SLC8A2: variants seen among roughly 807,000 people sequenced by gnomAD.
SLC8A2 encodes the protein sodium/calcium exchanger 2.
In SLC8A2, 14 loss-of-function variants were observed where a neutral mutation model predicts 70.2. The ratio of observed to expected loss-of-function variants is 0.20; its 90% CI spans 0.13 to 0.31. The LOEUF (loss-of-function observed/expected upper bound fraction) is 0.31, where lower values mean the gene tolerates loss of function less well. Among genes scored for constraint, SLC8A2 ranks in the 10% least tolerant of loss-of-function variants. The pLI, the probability that SLC8A2 is intolerant of heterozygous loss-of-function variation, is 1.00. For missense variants in SLC8A2, 779 were observed against 1,320.1 expected (o/e 0.59, Z 6.35); for synonymous variants, 575 against 594.3 (o/e 0.97, Z 0.47).
intron 6 of SLC8A2, among the ~76,000 whole-genome samples, chr19:47,440,017 T>C (rs906681240): frequency 2.2e-4 from 34 of 152,182 alleles, no homozygotes; most frequent in Non-Finnish European, 4.3e-4. Context: ...CAGTTTGTTA[T>C]AGCAGCTTGT....
intron 3 of SLC8A2, among the ~76,000 whole-genome samples, chr19:47,451,383 A>T (rs1173488888): frequency 6.6e-6 from 1 of 152,092 alleles, no homozygotes; most frequent in Non-Finnish European, 1.5e-5. Context: ...ATCCCAGCTC[A>T]CTGCAGCCTC....
rs1967444951 is a variant in SLC8A2 at position 47,465,433 on chromosome 19, T to C, written c.675+296A>G. Among the ~76,000 whole-genome samples the C allele has an allele frequency of 6.6e-6, 1 of 152,154 alleles. No individual in the cohort carries two copies. The highest frequency in any genetic ancestry group is 1.5e-5 in the Non-Finnish European group (1 of 68,022). ...CTAAAAGGTGCCCCTTCCAAGTGAGTGTACTGTTCTTAAGTGCAAAACAGT... is the reference window on the plus strand; with the variant it reads ...CTAAAAGGTGCCCCTTCCAAGTGAGCGTACTGTTCTTAAGTGCAAAACAGT... On this transcript the variant is annotated intron_variant, in intron 2 of 9. Transcript: ENST00000236877. This position sits in a 1 kb window ranked among gnomAD's most constrained non-coding sequence, Gnocchi z 5.5.
At chr19:47,435,732 G>C (rs1967020649) in intron 8 of SLC8A2, among the ~76,000 whole-genome samples, 1 of 151,944 alleles carries the variant, frequency 6.6e-6, no homozygotes, top group South Asian at 2.1e-4. Context: ...ATTTTTAGTA[G>C]AGACGGGGTT....
At chr19:47,455,645 A>C (rs1355447869) in intron 3 of SLC8A2, among the ~76,000 whole-genome samples, 1 of 152,202 alleles carries the variant, frequency 6.6e-6, no homozygotes. Flanking sequence ...AATCATTGAA[A>C]AGAACATACT....
intron 3 of SLC8A2, among the ~76,000 whole-genome samples, chr19:47,452,784 G>T (rs1023745649): frequency 2.6e-5 from 4 of 152,136 alleles, no homozygotes; most frequent in Non-Finnish European, 5.9e-5. Flanking sequence ...TGTAATCCCG[G>T]CACTTTGGGA....
At position 47,466,189 on chromosome 19, in the gene SLC8A2, G is replaced by A; in HGVS notation, c.215C>T (p.Ala72Val). The A allele has an allele frequency of 2.5e-6, 4 of 1,613,612 alleles. No individual in the cohort carries two copies. Among genetic ancestry groups the A allele is most frequent in the Non-Finnish European group, 2.5e-6 (3 of 1,179,568 alleles). Reference sequence around the variant, plus strand: ...GACCATGGCCACAAAGTACACCACTGCCCGTGCCGCCTTGTCACCCAGCGA... The same window carrying A: ...GACCATGGCCACAAAGTACACCACTACCCGTGCCGCCTTGTCACCCAGCGA... Reference protein sequence around the residue: ...DPSLGDKAARAVVYFVAMVYM... With the variant: ...DPSLGDKAARVVVYFVAMVYM... The change falls in exon 2 of 10, where the codon GCA becomes GTA. Residue 72 changes from alanine to valine, a missense_variant. Physicochemically the swap from Ala to Val is moderately conservative, Grantham distance 64. Around this residue, in one of 6 missense-constraint regions of SLC8A2, gnomAD observed 155 missense variants for 318.6 expected, o/e 0.49. Transcript: ENST00000236877. This position sits in a 1 kb window ranked among gnomAD's most constrained non-coding sequence, Gnocchi z 6.9.
rs1966926598 is a variant in SLC8A2 at position 47,429,804 on chromosome 19, G to A, written c.*285C>T. On this transcript the variant is annotated 3_prime_UTR_variant, in exon 10 of 10. Transcript: ENST00000236877. ...GGGTGGTTCCCTGGGGAGGGGACTG[G>A]GGTGGAAATTTCCCCAGGGATATAG... is the stretch of plus-strand genomic sequence containing the variant. The A allele has an allele frequency of 1.9e-6, 1 of 527,098 alleles. No individual in the cohort carries two copies. The highest frequency in any genetic ancestry group is 2.0e-5 in the African/African-American group (1 of 51,084). 32.7% of individuals were successfully genotyped at this position (527,098 alleles called of 1,614,324 possible).
Position 47,437,661 on chromosome 19 carries a change from GTCC to G in SLC8A2, c.2011-103_2011-101del, listed in dbSNP as rs1967047461. The G allele has an allele frequency of 2.0e-5, 24 of 1,177,060 alleles. No homozygotes were observed. In the South Asian group the frequency reaches 3.1e-4, roughly 15 times the overall value. The allele number at this position is 1,177,060 out of a possible 1,614,324, so 72.9% of individuals were successfully genotyped here. ...GGGGGCTCACAGCCTGTGCCCAGGG[GTCC>G]TCAACTTTCCACACCCCCGTTCTGA... On this transcript the variant is annotated intron_variant, in intron 7 of 9. Coordinates refer to ENST00000236877, the MANE Select transcript of SLC8A2 (RefSeq NM_015063.3).
At position 47,465,744 on chromosome 19, in the gene SLC8A2, G is replaced by C. The variant is rs769251136; in HGVS notation, c.660C>G (p.Ser220=). ...CTTTGCTCACCTGGACCACACCGGGGGAAAAAACAGCAAGGATGAGATAAA... is the reference window on the plus strand; with the variant it reads ...CTTTGCTCACCTGGACCACACCGGGCGAAAAAACAGCAAGGATGAGATAAA... ...VWLYLILAVF[S]PGVVQVWEAL... is the part of the protein sequence containing the mutation. Residue 220 remains serine, a synonymous_variant, in exon 2 of 10, where the codon TCC becomes TCG. Transcript: ENST00000236877. The surrounding 1 kb of genome is among the most constrained non-coding windows in gnomAD (Gnocchi z 5.5). The C allele has an allele frequency of 1.2e-6, 2 of 1,610,982 alleles. No individual in the cohort carries two copies. The highest frequency in any genetic ancestry group is 1.7e-6 in the Non-Finnish European group (2 of 1,177,952).
intron 8 of SLC8A2, among the ~76,000 whole-genome samples, chr19:47,435,166 C>T (rs753757192): frequency 6.7e-6 from 1 of 150,266 alleles, no homozygotes; most frequent in Non-Finnish European, 1.5e-5. Flanking sequence ...TGCAGTGAGC[C>T]GAGATCACAC....
chr19:47,459,192 C>T (rs143185515), intron 2 of SLC8A2, among the ~76,000 whole-genome samples: 2 of 151,736 alleles, frequency 1.3e-5, no homozygotes, highest in Admixed American at 1.3e-4. Context: ...ACATTTCTCT[C>T]TCTCCATCTC....
In SLC8A2 at chr19:47,465,141, T is replaced by C. The variant is rs1331574840; in HGVS notation, c.675+588A>G. Among the ~76,000 whole-genome samples, 10 of 152,248 alleles carry C rather than the reference T, an allele frequency of 6.6e-5. 1 individual carries two copies. Among genetic ancestry groups the C allele is most frequent in the Admixed American group, 6.5e-4 (10 of 15,290 alleles). Reference sequence around the variant, plus strand: ...ACATATCTGGCAAATGGCTAAATTATGCAGATGTAGGTATATATCTATGCG... The same window carrying C: ...ACATATCTGGCAAATGGCTAAATTACGCAGATGTAGGTATATATCTATGCG... On this transcript the variant is annotated intron_variant, in intron 2 of 9. Coordinates refer to ENST00000236877, the MANE Select transcript of SLC8A2 (RefSeq NM_015063.3). The surrounding 1 kb of genome is among the most constrained non-coding windows in gnomAD (Gnocchi z 5.5).
At chr19:47,471,308 G>A (rs1599863381) in intron 1 of SLC8A2, among the ~76,000 whole-genome samples, 1 of 151,940 alleles carries the variant, frequency 6.6e-6, no homozygotes, top group Non-Finnish European at 1.5e-5. Flanking sequence ...CCAGGACTTA[G>A]AGACAGAGCC....
intron 1 of SLC8A2, among the ~76,000 whole-genome samples, chr19:47,470,348 T>TACATACACACAC: frequency 7.2e-6 from 1 of 139,410 alleles, no homozygotes; most frequent in African/African-American, 2.7e-5. Flanking sequence ...GGAGACATCA[T>TACATACACACAC]ACACACACAC....
chr19:47,446,885 T>A (rs1426329210), intron 4 of SLC8A2, among the ~76,000 whole-genome samples: 1 of 152,068 alleles, frequency 6.6e-6, no homozygotes, highest in Non-Finnish European at 1.5e-5. Flanking sequence ...AATGGCTTTG[T>A]GTCCAATCTG....
chr19:47,456,268 A>G (rs952366352), intron 3 of SLC8A2, among the ~76,000 whole-genome samples: 1 of 152,238 alleles, frequency 6.6e-6, no homozygotes, highest in African/African-American at 2.4e-5. Context: ...CTCATTCATC[A>G]TGTGCACTGA....
At position 47,447,206 on chromosome 19, in the gene SLC8A2, C is replaced by T. The variant is rs1967174524; in HGVS notation, c.1763+603G>A. Reference sequence around the variant, plus strand: ...GCAGCCCACATCCATTTTCCCATTTCCTGATGTCGTATGTCCAAACCCAGA... The same window carrying T: ...GCAGCCCACATCCATTTTCCCATTTTCTGATGTCGTATGTCCAAACCCAGA... On this transcript the variant is annotated intron_variant, in intron 4 of 9. Transcript: ENST00000236877. This position sits in a 1 kb window ranked among gnomAD's most constrained non-coding sequence, Gnocchi z 5.1. Among the ~76,000 whole-genome samples the T allele has an allele frequency of 6.6e-6, 1 of 151,730 alleles. No individual in the cohort carries two copies. The highest frequency in any genetic ancestry group is 1.5e-5 in the Non-Finnish European group (1 of 67,926).
chr19:47,458,309 T>G (rs1170620032), intron 2 of SLC8A2, among the ~76,000 whole-genome samples: 2 of 112,006 alleles, frequency 1.8e-5, no homozygotes, highest in Non-Finnish European at 3.5e-5. Context: ...CCCATCTCTC[T>G]CCATCTCAAT....
chr19:47,446,359 G>T (rs1247785873), intron 4 of SLC8A2, among the ~76,000 whole-genome samples: 1 of 152,186 alleles, frequency 6.6e-6, no homozygotes, highest in Admixed American at 6.5e-5. Flanking sequence ...GGTGGCCAGG[G>T]ATCTGGGCGT....
Sources: allele counts gnomAD v4.1 joint callset (sites outside exome capture counted in the v4.1 genomes callset), GRCh38; gene constraint gnomAD v4.1.1; regional missense constraint gnomAD v4.1.1; non-coding constraint Gnocchi (gnomAD v3.1); transcripts MANE v1.5; gene names NCBI Gene and HGNC (gene_info 2026-07-23, HGNC 2026-07-21).